PTPRD: variants seen among roughly 807,000 people sequenced by gnomAD.
PTPRD encodes the protein receptor-type tyrosine-protein phosphatase delta.
Under a neutral mutation model 214.5 loss-of-function variants are expected in PTPRD, and 34 were observed. The ratio of observed to expected loss-of-function variants is 0.16; its 90% CI spans 0.12 to 0.21. The LOEUF is 0.21. PTPRD is among the 10% of genes least tolerant of loss of function. The pLI is 1.00. For synonymous variants in PTPRD, 1,128 were observed against 845.7 expected (o/e 1.33, Z -5.79); for missense variants, 2,545 against 2,398.7 (o/e 1.06, Z -1.27).
chr9:9,049,563 T>A (rs759540991), intron 10 of PTPRD, among the ~76,000 whole-genome samples: 2 of 151,598 alleles, frequency 1.3e-5, no homozygotes, highest in Non-Finnish European at 2.9e-5. Context: ...GGGAATAGCA[T>A]ATTTTCAAAA....
At chr9:9,119,633 C>T (rs2099815723) in intron 10 of PTPRD, among the ~76,000 whole-genome samples, 1 of 151,962 alleles carries the variant, frequency 6.6e-6, no homozygotes, top group Non-Finnish European at 1.5e-5. Context: ...AAGCGATTCT[C>T]CTGCCTCAGC....
At chr9:8,490,916 A>G (rs976968749) in intron 27 of PTPRD, among the ~76,000 whole-genome samples, 4 of 152,216 alleles carry the variant, frequency 2.6e-5, no homozygotes, top group African/African-American at 9.6e-5. Flanking sequence ...TACCTTTACA[A>G]TTATGGTTAT....
intron 11 of PTPRD, among the ~76,000 whole-genome samples, chr9:8,811,755 C>T (rs756120074): frequency 1.3e-5 from 2 of 152,158 alleles, no homozygotes; most frequent in South Asian, 2.1e-4. Context: ...ACAACGCAGT[C>T]GTAATTCAAT....
chr9:8,593,739 G>C (rs577859099), intron 14 of PTPRD, among the ~76,000 whole-genome samples: 120 of 152,286 alleles, frequency 7.9e-4, no homozygotes, highest in African/African-American at 2.8e-3. Flanking sequence ...TTTGGAAAAT[G>C]CAACTTCTAA....
intron 9 of PTPRD, among the ~76,000 whole-genome samples, chr9:9,378,099 T>C (rs2061276549): frequency 6.6e-6 from 1 of 152,004 alleles, no homozygotes; most frequent in South Asian, 2.1e-4. Flanking sequence ...AAGACCACAG[T>C]TCACATTAGG....
chr9:10,306,241 G>A (rs976458165), intron 3 of PTPRD, among the ~76,000 whole-genome samples: 4 of 150,620 alleles, frequency 2.7e-5, no homozygotes, highest in Non-Finnish European at 4.4e-5. Context: ...ATGGACACAG[G>A]GAGGGGAACA....
chr9:8,655,313 T>C (rs1341808081), intron 12 of PTPRD, among the ~76,000 whole-genome samples: 1 of 152,188 alleles, frequency 6.6e-6, no homozygotes, highest in Non-Finnish European at 1.5e-5. Context: ...TGTTTTATAA[T>C]TGTAAGTAGA....
At chr9:9,694,477 C>A (rs1250201898) in intron 7 of PTPRD, among the ~76,000 whole-genome samples, 1 of 151,954 alleles carries the variant, frequency 6.6e-6, no homozygotes, top group African/African-American at 2.4e-5. Flanking sequence ...CCTTTGTGGC[C>A]ACCACCACCA....
At chr9:10,510,700 T>C (rs1169979548) in intron 2 of PTPRD, among the ~76,000 whole-genome samples, 1 of 152,182 alleles carries the variant, frequency 6.6e-6, no homozygotes, top group Non-Finnish European at 1.5e-5. Flanking sequence ...TGATTATTTC[T>C]TTGTGTTGGA....
intron 8 of PTPRD, among the ~76,000 whole-genome samples, chr9:9,488,348 G>C (rs188876764): frequency 1.3e-5 from 2 of 152,046 alleles, no homozygotes; most frequent in Admixed American, 6.6e-5. Context: ...TTTTCATCAA[G>C]AGGCCTAATT....
At chr9:9,222,825 AT>A (rs1277481960) in intron 9 of PTPRD, among the ~76,000 whole-genome samples, 1 of 152,064 alleles carries the variant, frequency 6.6e-6, no homozygotes, top group African/African-American at 2.4e-5. Context: ...GAAGGAATAT[AT>A]TTTAATGTTA....
Position 10,215,084 on chromosome 9 carries a change from A to G in PTPRD, c.-545+125879T>C, listed in dbSNP as rs114402657. Among the ~76,000 whole-genome samples, 611 of 152,182 alleles carry G rather than the reference A, an allele frequency of 4.0e-3. 2 individuals are homozygous for G. The highest frequency in any genetic ancestry group is 0.012 in the African/African-American group (516 of 41,550). On this transcript the variant is annotated intron_variant, in intron 3 of 45. Transcript: ENST00000381196. The stretch of plus-strand genomic sequence containing the variant: ...TATCCTGTGCTCTTCCCAAAATGTT[A>G]TCTTGCCTCCAAGCACAATCTTTTC...
intron 40 of PTPRD, 52 bp from the exon 41 acceptor site, chr9:8,341,320 C>A (rs775531908): frequency 3.9e-6 from 6 of 1,523,542 alleles, no homozygotes; most frequent in Middle Eastern, 1.8e-4. Context: ...ATCATTTTCA[C>A]CTACAGTTTG....
rs2094146909 is a variant in PTPRD, at chr9:9,958,834, C to T, written c.-471-20224G>A. 2.0e-5 allele frequency among the ~76,000 whole-genome samples: 3 copies of T among 152,206 alleles called. No individual in the cohort carries two copies. The South Asian group carries it at 6.2e-4, about 32-fold the overall frequency. ...TCACACCTATTAGACACTACTATACCTATTAGAAGGGTGAAAACTAAAAAT... is the reference window on the plus strand; with the variant it reads ...TCACACCTATTAGACACTACTATACTTATTAGAAGGGTGAAAACTAAAAAT... On this transcript the variant is annotated intron_variant, in intron 4 of 45. Transcript: ENST00000381196.
intron 4 of PTPRD, among the ~76,000 whole-genome samples, chr9:9,970,614 G>A (rs189338321): frequency 9.3e-4 from 142 of 152,172 alleles, no homozygotes; most frequent in Non-Finnish European, 1.8e-3. Context: ...CTTAGCAAAA[G>A]ATTTGTATGG....
chr9:8,592,987 T>C (rs138594214), intron 14 of PTPRD, among the ~76,000 whole-genome samples: 1 of 152,232 alleles, frequency 6.6e-6, no homozygotes, highest in East Asian at 1.9e-4. Context: ...GGCAGTACAT[T>C]TGGGAAGCTC....
intron 3 of PTPRD, among the ~76,000 whole-genome samples, chr9:10,206,323 T>C (rs992082507): frequency 2.6e-5 from 4 of 152,172 alleles, no homozygotes; most frequent in African/African-American, 9.7e-5. Flanking sequence ...CCATATCTCA[T>C]ACCAAAGAAT....
At chr9:10,518,483 T>G (rs7037598) in intron 2 of PTPRD, among the ~76,000 whole-genome samples, 1,670 of 152,240 alleles carry the variant, frequency 0.011, 41 homozygotes, top group African/African-American at 0.038. Flanking sequence ...GAATTAAAAG[T>G]CAAATGTGTA....
chr9:10,121,681 T>G (rs912757496), intron 3 of PTPRD, among the ~76,000 whole-genome samples: 4 of 152,212 alleles, frequency 2.6e-5, no homozygotes, highest in African/African-American at 4.8e-5. Context: ...TCTCATACAA[T>G]AGTTCAAAGT....
Sources: gnomAD v4.1 joint callset for allele counts (sites outside exome capture counted in the v4.1 genomes callset) on GRCh38, gnomAD v4.1.1 for gene constraint, MANE v1.5 for transcripts, NCBI Gene and HGNC (gene_info 2026-07-23, HGNC 2026-07-21) for gene names.